Variants in PANK4 observed in about 807,000 individuals in gnomAD.
PANK4 encodes the protein 4'-phosphopantetheine phosphatase.
In PANK4, 40 loss-of-function variants were observed where a neutral mutation model predicts 87.9. The observed-to-expected ratio is 0.46, with a 90% CI of 0.35 to 0.59. The LOEUF is 0.59. Ranked by LOEUF, PANK4 falls within the 20% of genes least tolerant of loss-of-function variation. PANK4 has a pLI of 0.00. For synonymous variants in PANK4, 524 were observed against 467.4 expected (o/e 1.12, Z -1.56); for missense variants, 926 against 1,072.3 (o/e 0.86, Z 1.90).
At chr1:2,511,489 C>T (rs935999648) in intron 14 of PANK4, 102 bp from the exon 15 acceptor site, 28 of 1,131,466 alleles carry the variant, frequency 2.5e-5, no homozygotes, top group Middle Eastern at 2.0e-4. Flanking sequence ...AAGTTCTCCC[C>T]GCCCCCGAAG....
Position 2,508,908 on chromosome 1 carries a change from G to A in PANK4, c.2261C>T (p.Ala754Val). 6.2e-7 allele frequency: 1 copy of A among 1,609,748 alleles called. No individual in the cohort carries two copies. The highest frequency in any genetic ancestry group is 8.5e-7 in the Non-Finnish European group (1 of 1,178,542). ...KLAVIKNAWL[A>V]ERLGGRLFSV... ...GAAGAGCCGGCCGCCCAGCCGCTCG[G>A]CCAGCCACGCGTTCTTGATGACGGC... The change falls in exon 19 of 19, where the codon GCC becomes GTC. Residue 754 changes from alanine to valine, a missense_variant. Transcript: ENST00000378466. This position sits in a 1 kb window ranked among gnomAD's most constrained non-coding sequence, Gnocchi z 5.1.
At position 2,510,731 on chromosome 1, in the gene PANK4, T is replaced by A; in HGVS notation, c.1885A>T (p.Ile629Phe). The A allele has an allele frequency of 6.2e-7, 1 of 1,612,516 alleles. No homozygotes were observed. Among genetic ancestry groups the A allele is most frequent in the Admixed American group, 1.7e-5 (1 of 59,982 alleles). The change falls in exon 16 of 19, where the codon ATC becomes TTC. Residue 629 changes from isoleucine to phenylalanine, a missense_variant. Coordinates refer to ENST00000378466, the MANE Select transcript of PANK4 (RefSeq NM_018216.4). The surrounding 1 kb of genome is among the most constrained non-coding windows in gnomAD (Gnocchi z 4.9). ...LIFADNSGID[I>F]ILGVFPFVRE... ...ACAAAGGGGAAGACTCCCAAAATGA[T>A]GTCTATTCCACTGTTATCTGCGAAA...
In PANK4 at chr1:2,519,632, G is replaced by A. The variant is rs116170393; in HGVS notation, c.853+169C>T. ...TTTATCTGCCGACGTTCTGAGCAGT[G>A]GGCCTGAGCTGCAGCGACTCGGCAG... On this transcript the variant is annotated intron_variant, in intron 6 of 18. Coordinates refer to ENST00000378466, the MANE Select transcript of PANK4 (RefSeq NM_018216.4). The surrounding 1 kb of genome is among the most constrained non-coding windows in gnomAD (Gnocchi z 8.3). Among the ~76,000 whole-genome samples, 6 of 152,354 alleles carry A rather than the reference G, an allele frequency of 3.9e-5. No individual in the cohort carries two copies. Among genetic ancestry groups the A allele is most frequent in the Non-Finnish European group, 7.3e-5 (5 of 68,032 alleles).
intron 10 of PANK4, 122 bp from the exon 11 acceptor site, chr1:2,514,588 G>GTGGGGGCTGGCCGT (rs1643728752): frequency 3.5e-6 from 2 of 566,572 alleles, no homozygotes; most frequent in African/African-American, 4.1e-5. Flanking sequence ...CTGGGGCAGG[G>GTGGGGGCTGGCCGT]TGGGGGCGGC....
rs1178912733 is a variant in PANK4 at position 2,521,140 on chromosome 1, T to C, written c.383A>G (p.Tyr128Cys). 1 of 1,613,734 alleles carries C rather than the reference T, an allele frequency of 6.2e-7. No individual in the cohort carries two copies. The highest frequency in any genetic ancestry group is 1.3e-5 in the African/African-American group (1 of 74,914). Residue 128 changes from tyrosine to cysteine, a missense_variant, in exon 3 of 19, where the codon TAC (tyrosine) becomes TGC (cysteine). Coordinates refer to ENST00000378466, the MANE Select transcript of PANK4 (RefSeq NM_018216.4). ...CTCTTCGATGAGGTCTTTGAACTTG[T>C]AGGCCCCGCCCCCGGTCGCCTGGAT... is the stretch of plus-strand genomic sequence containing the variant. ...KVIQATGGGA[Y>C]KFKDLIEEKL...
Position 2,510,370 on chromosome 1 carries a change from G to A in PANK4, c.1939-213C>T. 1 of 598,252 alleles carries A rather than the reference G, an allele frequency of 1.7e-6. No individual in the cohort carries two copies. Among genetic ancestry groups the A allele is most frequent in the Admixed American group, 2.9e-5 (1 of 34,018 alleles). The allele number at this position is 598,252 out of a possible 1,614,324, so 37.1% of individuals were successfully genotyped here. On this transcript the variant is annotated intron_variant, in intron 16 of 18. Coordinates refer to ENST00000378466, the MANE Select transcript of PANK4 (RefSeq NM_018216.4). This position sits in a 1 kb window ranked among gnomAD's most constrained non-coding sequence, Gnocchi z 4.9. ...GAGCCGAGGGGCAGAGCTGAGTTTAGAGCCTGCCCCTGGGACCTGCCTGTC... is the reference window on the plus strand; with the variant it reads ...GAGCCGAGGGGCAGAGCTGAGTTTAAAGCCTGCCCCTGGGACCTGCCTGTC...
chr1:2,513,676 C>G (rs568258552), intron 12 of PANK4, among the ~76,000 whole-genome samples: 2 of 152,222 alleles, frequency 1.3e-5, no homozygotes. Flanking sequence ...CTCACAGAAG[C>G]TGGGAGGCCC....
rs1024991304 is a variant in PANK4 at position 2,521,324 on chromosome 1, C to G, written c.208-9G>C. ...TGTTCACGTTCTGTGTCCTGGAAAA[C>G]AGAGTAGGGGAGGCCGCATGTGTGT... On this transcript the variant is annotated splice_polypyrimidine_tract_variant and intron_variant, in intron 2 of 18. Coordinates refer to ENST00000378466, the MANE Select transcript of PANK4 (RefSeq NM_018216.4). The G allele has an allele frequency of 3.1e-6, 5 of 1,609,406 alleles. No homozygotes were observed. The highest frequency in any genetic ancestry group is 2.2e-5 in the South Asian group (2 of 90,974).
At chr1:2,517,350 A>G (rs1230950649) in intron 9 of PANK4, among the ~76,000 whole-genome samples, 2 of 152,238 alleles carry the variant, frequency 1.3e-5, no homozygotes, top group African/African-American at 4.8e-5. Context: ...CGGTCTTGAA[A>G]ATACTGACAC....
intron 9 of PANK4, among the ~76,000 whole-genome samples, chr1:2,517,301 G>T (rs976605656): frequency 6.6e-6 from 1 of 152,248 alleles, no homozygotes; most frequent in East Asian, 1.9e-4. Context: ...CCACACAAAA[G>T]GGAGGCGCCC....
chr1:2,508,699 TG>T lies in PANK4; in HGVS notation c.*147del. ...CCAGGACAAAGCTGCGTCTCGCCTC[TG>T]GGTCACACGCATCTGTGCGGCTGGG... On this transcript the variant is annotated 3_prime_UTR_variant, in exon 19 of 19. Transcript: ENST00000378466. This position sits in a 1 kb window ranked among gnomAD's most constrained non-coding sequence, Gnocchi z 5.1. The T allele has an allele frequency of 1.7e-6, 1 of 603,294 alleles. No homozygotes were observed. The allele number at this position is 603,294 out of a possible 1,614,324, so 37.4% of individuals were successfully genotyped here.
rs747351916 is a variant in PANK4, at chr1:2,515,571, G to A, written c.1365C>T (p.Ala455=). The A allele has an allele frequency of 6.2e-7, 1 of 1,612,750 alleles. No individual in the cohort carries two copies. The highest frequency in any genetic ancestry group is 1.7e-5 in the Admixed American group (1 of 60,010). ...RKYWLTCFEE[A]LDGVVKRAVA... is the part of the protein sequence containing the mutation. ...CACCCGGAGCCCTCACCCCGTCCAG[G>A]GCCTCCTCAAAGCAGGTGAGCCAGT... The change falls in exon 10 of 19, where the codon GCC becomes GCT. Residue 455 remains alanine (A), a synonymous_variant. Transcript: ENST00000378466. This position sits in a 1 kb window ranked among gnomAD's most constrained non-coding sequence, Gnocchi z 5.0.
At chr1:2,521,545 A>G in intron 2 of PANK4, 173 bp downstream of exon 2, 2 of 731,762 alleles carry the variant, frequency 2.7e-6, no homozygotes, top group Non-Finnish European at 4.9e-6. Context: ...AGGTTCCTAC[A>G]AAGGGTCTTG....
Position 2,509,055 on chromosome 1 carries a change from A to G in PANK4, c.2114T>C (p.Leu705Pro). Reference sequence around the variant, plus strand: ...CACCAGTGCGGCCAGCCCCTTATCCAGGCGGCTTTGGGGAGGAAGAGGACG... The same window carrying G: ...CACCAGTGCGGCCAGCCCCTTATCCGGGCGGCTTTGGGGAGGAAGAGGACG... ...SSSPCLDLSR[L>P]DKGLAALVRE... is the part of the protein sequence containing the mutation. Residue 705 changes from leucine (L) to proline (P), a missense_variant, in exon 19 of 19, where the codon CTG becomes CCG. Leu to Pro is a moderately conservative substitution (Grantham distance 98, BLOSUM62 -3). Coordinates refer to ENST00000378466, the MANE Select transcript of PANK4 (RefSeq NM_018216.4). This position sits in a 1 kb window ranked among gnomAD's most constrained non-coding sequence, Gnocchi z 4.9. 1 of 1,595,766 alleles carries G rather than the reference A, an allele frequency of 6.3e-7. No individual in the cohort carries two copies.
Position 2,514,477 on chromosome 1 carries a change from CAGA to C in PANK4, c.1375-14_1375-12del, listed in dbSNP as rs772575782. On this transcript the variant is annotated splice_polypyrimidine_tract_variant and intron_variant, in intron 10 of 18. Coordinates refer to ENST00000378466, the MANE Select transcript of PANK4 (RefSeq NM_018216.4). ...TGCGCGCTTCACTACCTGCCAGCGA[CAGA>C]AGGAGGGGGTTAGTCAAGCGCTGGC... is the stretch of plus-strand genomic sequence containing the variant. 4.6e-4 allele frequency: 732 copies of C among 1,595,066 alleles called. No individual in the cohort carries two copies. Among genetic ancestry groups the C allele is most frequent in the Admixed American group, 8.6e-4 (51 of 59,464 alleles).
intron 13 of PANK4, 92 bp from the exon 14 acceptor site, chr1:2,511,775 C>CG (rs1441353624): frequency 1.3e-6 from 1 of 764,218 alleles, no homozygotes; most frequent in Non-Finnish European, 2.3e-6. Flanking sequence ...CCCTCCCAGG[C>CG]GGGACAGAGG....
chr1:2,510,840 C>A lies in PANK4; in HGVS notation c.1834-58G>T. On this transcript the variant is annotated intron_variant, in intron 15 of 18. Transcript: ENST00000378466. This position sits in a 1 kb window ranked among gnomAD's most constrained non-coding sequence, Gnocchi z 4.9. ...ACAGGCGCATCCAAGCGAGTCAGTC[C>A]GCACCCCTGCTGCCCGTCACGCTGC... 1.0e-6 allele frequency: 1 copy of A among 991,770 alleles called. No homozygotes were observed. Among genetic ancestry groups the A allele is most frequent in the South Asian group, 1.3e-5 (1 of 78,340 alleles). 61.4% of individuals were successfully genotyped at this position (991,770 alleles called of 1,614,324 possible).
Position 2,511,378 on chromosome 1 carries a change from C to T in PANK4, c.1793G>A (p.Trp598Ter), listed in dbSNP as rs1643657997. Residue 598 changes from tryptophan to a stop codon, truncating the protein, a stop_gained, in exon 15 of 19, where the codon TGG (tryptophan) becomes TAG (stop). Coordinates refer to ENST00000378466, the MANE Select transcript of PANK4 (RefSeq NM_018216.4). LOFTEE classifies it high-confidence loss of function. ...CCACTCGCTGTAGGAATCCACGAGC[C>T]AGGGTCTTTCTGAGACAGAGAGAGG... ...EAKRKLQERP[W>*]LVDSYSEWLQ... 2 of 1,610,606 alleles carry T rather than the reference C, an allele frequency of 1.2e-6. No individual in the cohort carries two copies. Among genetic ancestry groups the T allele is most frequent in the Admixed American group, 1.7e-5 (1 of 60,004 alleles).
Position 2,510,121 on chromosome 1 carries a change from C to A in PANK4, c.1975G>T (p.Asp659Tyr). 6.2e-7 allele frequency: 1 copy of A among 1,609,972 alleles called. No homozygotes were observed. Residue 659 changes from aspartate (D) to tyrosine (Y), a missense_variant, in exon 17 of 19, where the codon GAC (aspartate) becomes TAC (tyrosine). Transcript: ENST00000378466. The surrounding 1 kb of genome is among the most constrained non-coding windows in gnomAD (Gnocchi z 4.9). ...LACNSGPALN[D>Y]VTHSESLIVA... ...ATGAGGGACTCGCTGTGGGTCACGTCGTTCAGGGCGGGGCCTGAGTTGCAC... is the reference window on the plus strand; with the variant it reads ...ATGAGGGACTCGCTGTGGGTCACGTAGTTCAGGGCGGGGCCTGAGTTGCAC...
Sources: gnomAD v4.1 joint callset for allele counts (sites outside exome capture counted in the v4.1 genomes callset) on GRCh38, gnomAD v4.1.1 for gene constraint, Gnocchi (gnomAD v3.1) non-coding constraint, MANE v1.5 for transcripts, NCBI Gene and HGNC (gene_info 2026-07-23, HGNC 2026-07-21) for gene names.